Variants in ROCK1 observed in about 807,000 individuals in gnomAD.
ROCK1 encodes Rho associated coiled-coil containing protein kinase 1, also known as rho-associated protein kinase 1.
ROCK1 carries 36 observed loss-of-function variants against 196.8 expected under a neutral mutation model. The observed-to-expected ratio is 0.18, with a 90% CI of 0.14 to 0.24. The LOEUF (loss-of-function observed/expected upper bound fraction) is 0.24. Among genes scored for constraint, ROCK1 ranks in the 10% least tolerant of loss-of-function variants. The pLI, the probability that ROCK1 is intolerant of heterozygous loss-of-function variation, is 1.00. For missense variants in ROCK1, 920 were observed against 1,562.0 expected (o/e 0.59, Z 6.93); for synonymous variants, 443 against 515.9 (o/e 0.86, Z 1.91).
At chr18:21,036,330 C>T (rs1298699114) in intron 9 of ROCK1, among the ~76,000 whole-genome samples, 3 of 152,196 alleles carry the variant, frequency 2.0e-5, no homozygotes, top group South Asian at 4.1e-4. Flanking sequence ...CCACTGTTAG[C>T]ATCTTGTGTG....
At chr18:20,989,287 A>G (rs1031159965) in intron 18 of ROCK1, among the ~76,000 whole-genome samples, 1 of 152,232 alleles carries the variant, frequency 6.6e-6, no homozygotes, top group African/African-American at 2.4e-5. Context: ...ATAGTTACAG[A>G]GCAACATTGA....
chr18:20,995,682 C>A (rs4800803), intron 16 of ROCK1, among the ~76,000 whole-genome samples: 26,952 of 152,018 alleles, frequency 0.18, 5,093 homozygotes, highest in African/African-American at 0.47. Context: ...CCCCTCCCCA[C>A]CCTCTCCCTG....
intron 8 of ROCK1, among the ~76,000 whole-genome samples, chr18:21,040,977 C>T (rs536296041): frequency 6.6e-6 from 1 of 151,886 alleles, no homozygotes; most frequent in Non-Finnish European, 1.5e-5. Flanking sequence ...AAAAATTAGC[C>T]AGGCATGGTG....
intron 1 of ROCK1, among the ~76,000 whole-genome samples, chr18:21,081,038 A>T (rs1229429589): frequency 6.6e-6 from 1 of 152,192 alleles, no homozygotes; most frequent in Admixed American, 6.5e-5. Flanking sequence ...AGAGAGAGAG[A>T]GCACTCTATC....
chr18:20,948,500 T>TG lies in ROCK1; in HGVS notation c.*2883dup, dbSNP rs2035151188. The TG allele has an allele frequency of 6.9e-6, 1 of 144,642 alleles. No homozygotes were observed. Among genetic ancestry groups the TG allele is most frequent in the African/African-American group, 2.8e-5 (1 of 35,272 alleles). The allele number at this position is 144,642 out of a possible 1,614,324, so 9.0% of individuals were successfully genotyped here. ...TTTTTTACTTTAAATGAAGGGTGAA[T>TG]GGGTTAATTTAAGCTGAAACCCCAA... On this transcript the variant is annotated 3_prime_UTR_variant, in exon 33 of 33. Transcript: ENST00000399799.
At chr18:21,076,331 C>G (rs964811473) in intron 1 of ROCK1, among the ~76,000 whole-genome samples, 4 of 152,048 alleles carry the variant, frequency 2.6e-5, no homozygotes, top group African/African-American at 9.7e-5. Flanking sequence ...CGGTGAAACC[C>G]CGTCTCTACT....
At chr18:21,099,047 A>G (rs1054275199) in intron 1 of ROCK1, among the ~76,000 whole-genome samples, 6 of 152,200 alleles carry the variant, frequency 3.9e-5, no homozygotes, top group African/African-American at 1.2e-4. Context: ...AAAATTATAT[A>G]TGCATGTGTC....
At chr18:21,076,704 CAG>C (rs1343305577) in intron 1 of ROCK1, among the ~76,000 whole-genome samples, 44 of 150,190 alleles carry the variant, frequency 2.9e-4, no homozygotes, top group African/African-American at 1.1e-3. Context: ...CACACACACA[CAG>C]AGCCATAATT....
At chr18:21,091,418 C>A (rs974880541) in intron 1 of ROCK1, among the ~76,000 whole-genome samples, 1 of 151,892 alleles carries the variant, frequency 6.6e-6, no homozygotes, top group Non-Finnish European at 1.5e-5. Flanking sequence ...GCCTGGCCAA[C>A]ATGGTGAAAC....
At chr18:21,005,655 T>C (rs1038786452) in intron 16 of ROCK1, among the ~76,000 whole-genome samples, 5 of 152,118 alleles carry the variant, frequency 3.3e-5, no homozygotes, top group Non-Finnish European at 7.4e-5. Flanking sequence ...GGTGGGCGGA[T>C]CGCTTGAGCT....
chr18:20,974,563 T>C (rs1351522340), intron 22 of ROCK1, among the ~76,000 whole-genome samples: 1 of 152,240 alleles, frequency 6.6e-6, no homozygotes, highest in Non-Finnish European at 1.5e-5. Flanking sequence ...AGGGTAAAAT[T>C]ACCTGCATCT....
chr18:20,991,650 A>T (rs72879416), intron 17 of ROCK1, among the ~76,000 whole-genome samples: 6,917 of 150,212 alleles, frequency 0.046, 221 homozygotes, highest in Non-Finnish European at 0.073. Flanking sequence ...TTTTTTTTTT[A>T]AAGAGATGAG....
intron 18 of ROCK1, among the ~76,000 whole-genome samples, chr18:20,988,665 T>C (rs915086844): frequency 2.6e-5 from 4 of 152,210 alleles, no homozygotes; most frequent in African/African-American, 9.7e-5. Context: ...GTGGTTCATT[T>C]TGACTTTCAG....
chr18:21,007,563 C>A (rs181689951), intron 14 of ROCK1, among the ~76,000 whole-genome samples: 1 of 151,924 alleles, frequency 6.6e-6, no homozygotes, highest in Admixed American at 6.5e-5. Context: ...GGAGTATGTA[C>A]GTGAAATAAC....
At chr18:21,085,299 C>T (rs184591541) in intron 1 of ROCK1, among the ~76,000 whole-genome samples, 22 of 121,454 alleles carry the variant, frequency 1.8e-4, no homozygotes, top group African/African-American at 6.7e-4. Flanking sequence ...GTGGGAGGAT[C>T]GCCTGAGCCC....
intron 2 of ROCK1, among the ~76,000 whole-genome samples, chr18:21,069,018 G>A (rs906004288): frequency 6.6e-6 from 1 of 152,006 alleles, no homozygotes; most frequent in African/African-American, 2.4e-5. Context: ...TGGTAAGAGA[G>A]GACAGATTTG....
intron 1 of ROCK1, among the ~76,000 whole-genome samples, chr18:21,093,170 A>G (rs1356345286): frequency 1.3e-5 from 2 of 152,218 alleles, no homozygotes; most frequent in Non-Finnish European, 2.9e-5. Flanking sequence ...AGGTAAGAAG[A>G]AAAGACTTTT....
intron 9 of ROCK1, among the ~76,000 whole-genome samples, chr18:21,033,116 G>A (rs748322473): frequency 6.6e-6 from 1 of 151,978 alleles, no homozygotes; most frequent in Non-Finnish European, 1.5e-5. Context: ...AGGATCCCTT[G>A]GGTCTGAGAG....
At chr18:21,075,278 G>A (rs761412475) in intron 1 of ROCK1, among the ~76,000 whole-genome samples, 4 of 152,156 alleles carry the variant, frequency 2.6e-5, no homozygotes, top group African/African-American at 7.2e-5. Context: ...TGGGTAAACA[G>A]GAATGGGGCA....
Sources: allele counts gnomAD v4.1 joint callset (sites outside exome capture counted in the v4.1 genomes callset), GRCh38; gene constraint gnomAD v4.1.1; transcripts MANE v1.5; gene names NCBI Gene and HGNC (gene_info 2026-07-23, HGNC 2026-07-21).